Variants in ARHGAP12 observed in about 807,000 individuals in gnomAD.
ARHGAP12 encodes the protein rho GTPase-activating protein 12.
A neutral mutation model predicts 108.6 loss-of-function variants in ARHGAP12; 64 were observed. That is an observed-to-expected ratio of 0.59 (90% CI 0.48 to 0.73). ARHGAP12 has a LOEUF of 0.73. Among genes scored for constraint, ARHGAP12 ranks in the 30% least tolerant of loss-of-function variants. The pLI is 0.00. For missense variants in ARHGAP12, 940 were observed against 1,005.9 expected (o/e 0.93, Z 0.89); for synonymous variants, 312 against 337.2 (o/e 0.93, Z 0.82).
Position 31,807,391 on chromosome 10 carries a change from G to A in ARHGAP12, c.*267C>T, listed in dbSNP as rs1241574100. The A allele has an allele frequency of 1.6e-5, 5 of 310,026 alleles. No individual in the cohort carries two copies. In the Admixed American group the frequency reaches 2.5e-4, roughly 16 times the overall value. The allele number at this position is 310,026 out of a possible 1,614,324, so 19.2% of individuals were successfully genotyped here. A position where few individuals can be genotyped will look rare whatever the true frequency, so the allele number is the denominator to read the frequency against. ...ATGACTGGTTAGAATTTTAAGTTTT[G>A]ATTTTTACTGAAATTCAGAGTATGA... On this transcript the variant is annotated 3_prime_UTR_variant, in exon 20 of 20. Transcript: ENST00000344936.
chr10:31,889,072 G>T (rs1838303442), intron 3 of ARHGAP12, among the ~76,000 whole-genome samples: 1 of 152,142 alleles, frequency 6.6e-6, no homozygotes, highest in Non-Finnish European at 1.5e-5. Context: ...ACCATGCCTG[G>T]CTAATTATTT....
intron 10 of ARHGAP12, among the ~76,000 whole-genome samples, chr10:31,831,290 T>C (rs1835823507): frequency 6.6e-6 from 1 of 152,238 alleles, no homozygotes; most frequent in African/African-American, 2.4e-5. Context: ...GAAAAGATTA[T>C]GTTTAGAAAA....
At chr10:31,810,512 A>AG (rs1834977115) in intron 16 of ARHGAP12, 137 bp downstream of exon 16, 1 of 570,788 alleles carries the variant, frequency 1.8e-6, no homozygotes, top group East Asian at 3.2e-5. Flanking sequence ...AAACAAAATT[A>AG]TTTTCTTAAC....
intron 1 of ARHGAP12, among the ~76,000 whole-genome samples, chr10:31,916,752 G>A (rs1484851474): frequency 6.6e-6 from 1 of 152,068 alleles, no homozygotes; most frequent in Non-Finnish European, 1.5e-5. Flanking sequence ...AAGCAGCTGG[G>A]ACTACAGGTG....
At chr10:31,863,330 G>A (rs1837204537) in intron 3 of ARHGAP12, among the ~76,000 whole-genome samples, 1 of 152,120 alleles carries the variant, frequency 6.6e-6, no homozygotes, top group African/African-American at 2.4e-5. Context: ...GGCAAATCAT[G>A]TCTCAGAACC....
At chr10:31,919,218 G>C (rs185324293) in intron 1 of ARHGAP12, among the ~76,000 whole-genome samples, 1 of 152,174 alleles carries the variant, frequency 6.6e-6, no homozygotes, top group Admixed American at 6.5e-5. Flanking sequence ...CCAAGGGATG[G>C]AGAAAGACAG....
At chr10:31,914,886 T>C (rs1453819121) in intron 1 of ARHGAP12, among the ~76,000 whole-genome samples, 1 of 152,174 alleles carries the variant, frequency 6.6e-6, no homozygotes, top group Non-Finnish European at 1.5e-5. Flanking sequence ...ATAGAATTAA[T>C]CTAACTGTCC....
intron 2 of ARHGAP12, 91 bp from the exon 3 acceptor site, chr10:31,909,017 C>T (rs1564428465): frequency 3.0e-6 from 2 of 657,814 alleles, no homozygotes; most frequent in East Asian, 5.7e-5. Flanking sequence ...TAGTATAGGC[C>T]ATTTAAAGAA....
chr10:31,843,422 A>C, intron 7 of ARHGAP12, 39 bp downstream of exon 7: 3 of 1,588,406 alleles, frequency 1.9e-6, no homozygotes, highest in Non-Finnish European at 2.6e-6. Context: ...ACTGTACAAT[A>C]TAATGCAAAG....
In ARHGAP12 at chr10:31,809,273, G is replaced by A. The variant is rs529859627; in HGVS notation, c.2085C>T (p.Gly695=). The stretch of plus-strand genomic sequence containing the variant: ...TTAGTTTCTGGATCACTGCGAGGTT[G>A]CCACTTACTCTGTATATCCCATCAA... ...LDIDGIYRVS[G]NLAVIQKLRF... The change falls in exon 17 of 20, where the codon GGC becomes GGT. Residue 695 remains glycine, a synonymous_variant. Transcript: ENST00000344936. The A allele has an allele frequency of 1.9e-6, 3 of 1,613,854 alleles. No homozygotes were observed. Among genetic ancestry groups the A allele is most frequent in the South Asian group, 2.2e-5 (2 of 91,070 alleles).
chr10:31,814,421 G>C, intron 13 of ARHGAP12, 60 bp from the exon 14 acceptor site: 1 of 1,332,746 alleles, frequency 7.5e-7, no homozygotes, highest in Non-Finnish European at 1.1e-6. Context: ...TAGTTGGAAT[G>C]GCATAATTCT....
intron 1 of ARHGAP12, among the ~76,000 whole-genome samples, chr10:31,928,360 C>A (rs926172052): frequency 3.9e-4 from 59 of 151,422 alleles, no homozygotes; most frequent in Middle Eastern, 3.5e-3. Context: ...GGGCGCTGCC[C>A]TCACACAGGA....
At chr10:31,814,993 GCCTGTAGTC>G (rs1835147978) in intron 13 of ARHGAP12, among the ~76,000 whole-genome samples, 1 of 151,482 alleles carries the variant, frequency 6.6e-6, no homozygotes, top group African/African-American at 2.4e-5. Flanking sequence ...GGTGGCACAC[GCCTGTAGTC>G]CCAGCTACTT....
intron 2 of ARHGAP12, among the ~76,000 whole-genome samples, chr10:31,909,307 C>T (rs1311973551): frequency 6.6e-6 from 1 of 152,132 alleles, no homozygotes; most frequent in Non-Finnish European, 1.5e-5. Flanking sequence ...TATAACAATT[C>T]CAAAATATTT....
rs1292005048 is a variant in ARHGAP12, at chr10:31,852,587, T to C, written c.1100A>G (p.His367Arg). ...SDYTNEKWLK[H>R]VDDQGRQYYY... ...ATATTGTCTACCTTGATCATCAACA[T>C]GCTTGAGCCACTATAAAAACAGAAC... Residue 367 changes from histidine to arginine, a missense_variant, in exon 6 of 20, where the codon CAT becomes CGT. Coordinates refer to ENST00000344936, the MANE Select transcript of ARHGAP12 (RefSeq NM_018287.7). 2 of 1,612,536 alleles carry C rather than the reference T, an allele frequency of 1.2e-6. No homozygotes were observed. The highest frequency in any genetic ancestry group is 1.3e-5 in the African/African-American group (1 of 75,008).
rs142283537 is a variant in ARHGAP12 at position 31,814,324 on chromosome 10, G to A, written c.1769C>T (p.Pro590Leu). The A allele has an allele frequency of 3.0e-5, 48 of 1,613,698 alleles. No individual in the cohort carries two copies. Among genetic ancestry groups the A allele is most frequent in the Non-Finnish European group, 4.0e-5 (47 of 1,179,882 alleles). Residue 590 changes from proline (P) to leucine (L), a missense_variant, in exon 14 of 20, where the codon CCG becomes CTG. Transcript: ENST00000344936. Reference protein sequence around the residue: ...ETDEGIEEEIPDSPGIEKHDK... With the variant: ...ETDEGIEEEILDSPGIEKHDK... ...ATGCTTTTCTATTCCTGGTGAATCC[G>A]GTATCTCCTCTTCAATTCCTTCATC...
chr10:31,910,577 AATAAG>A lies in ARHGAP12; in HGVS notation c.-110-19_-110-15del, dbSNP rs1839302411. On this transcript the variant is annotated splice_polypyrimidine_tract_variant and intron_variant, in intron 1 of 19. Coordinates refer to ENST00000344936, the MANE Select transcript of ARHGAP12 (RefSeq NM_018287.7). ...TCACATTTAAACCTGTAAAAAAATA[AATAAG>A]TTCATTAACTCAAACCAAGATCGCT... The A allele has an allele frequency of 1.3e-5, 2 of 152,248 alleles. No individual in the cohort carries two copies. Among genetic ancestry groups the A allele is most frequent in the South Asian group, 4.1e-4 (2 of 4,832 alleles). The allele number at this position is 152,248 out of a possible 1,614,324, so 9.4% of individuals were successfully genotyped here.
At chr10:31,817,292 G>C (rs1835240304) in intron 13 of ARHGAP12, among the ~76,000 whole-genome samples, 1 of 152,062 alleles carries the variant, frequency 6.6e-6, no homozygotes, top group Non-Finnish European at 1.5e-5. Context: ...ATTTTTGGTT[G>C]TTGTATATAA....
chr10:31,836,588 A>AG (rs5784258), intron 9 of ARHGAP12, among the ~76,000 whole-genome samples: 114,001 of 151,622 alleles, frequency 0.75, 43,450 homozygotes, highest in African/African-American at 0.87. Context: ...GGTGACATTA[A>AG]GAACTGAAAA....
Sources: allele counts gnomAD v4.1 joint callset (sites outside exome capture counted in the v4.1 genomes callset), GRCh38; gene constraint gnomAD v4.1.1; transcripts MANE v1.5; gene names NCBI Gene and HGNC (gene_info 2026-07-23, HGNC 2026-07-21).